The following GRM4 variants were observed in gnomAD, a reference collection of about 807,000 sequenced individuals.
The protein encoded by GRM4 is metabotropic glutamate receptor 4.
A neutral mutation model predicts 81.7 loss-of-function variants in GRM4; 28 were observed. The observed-to-expected ratio is 0.34, with a 90% confidence interval of 0.25 to 0.47. The LOEUF is 0.47. Ranked by LOEUF, GRM4 falls within the 20% of genes least tolerant of loss-of-function variation. GRM4 has a pLI of 1.00. For missense variants in GRM4, 948 were observed against 1,290.0 expected, an observed-to-expected ratio of 0.73 and a Z score of 4.06; for synonymous variants, 488 against 528.8, an observed-to-expected ratio of 0.92 and a Z score of 1.06.
At chr6:34,141,647 A>C (rs1250003107) in intron 1 of GRM4, among the ~76,000 whole-genome samples, 1 of 150,152 alleles carries the variant, frequency 6.7e-6, no homozygotes, top group Non-Finnish European at 1.5e-5. Context: ...AGAAACATGG[A>C]CAGACTGGAA....
intron 2 of GRM4, among the ~76,000 whole-genome samples, chr6:34,129,627 T>C (rs78256550): frequency 0.051 from 7,831 of 152,192 alleles, 326 homozygotes; most frequent in East Asian, 0.12. Flanking sequence ...GGCCTTCTGG[T>C]CCGCAACAGA....
chr6:34,041,116 G>T, intron 6 of GRM4, among the ~76,000 whole-genome samples: 1 of 152,302 alleles, frequency 6.6e-6, no homozygotes, highest in South Asian at 2.1e-4. Context: ...AGCCTGGCCT[G>T]GGATAATCTT....
In GRM4 at chr6:34,048,053, C is replaced by A. The variant is rs898984521; in HGVS notation, c.1169-7305G>T. Among the ~76,000 whole-genome samples the A allele has an allele frequency of 6.6e-6, 1 of 152,216 alleles. No individual in the cohort carries two copies. Among genetic ancestry groups the A allele is most frequent in the African/African-American group, 2.4e-5 (1 of 41,448 alleles). On this transcript the variant is annotated intron_variant, in intron 6 of 10. Transcript: ENST00000538487. This position sits in a 1 kb window ranked among gnomAD's most constrained non-coding sequence, Gnocchi z 4.0. ...CAGCAGAGAAGCCGTGTCTCTCAGA[C>A]TGGGAGAGCTCACTTGGGGATGGCC...
Position 34,039,182 on chromosome 6 carries a change from G to A in GRM4, c.1506+996C>T, listed in dbSNP as rs187355161. On this transcript the variant is annotated intron_variant, in intron 8 of 10. Coordinates refer to ENST00000538487, the MANE Select transcript of GRM4 (RefSeq NM_000841.4). ...TCCTGCCACACGGTGTGGCCTTTAG[G>A]AGAGTCCTTCTGCCTCCCCAGGGCT... is the stretch of plus-strand genomic sequence containing the variant. 2.2e-3 allele frequency among the ~76,000 whole-genome samples: 328 copies of A among 152,294 alleles called. 1 individual carries two copies. The highest frequency in any genetic ancestry group is 7.7e-3 in the African/African-American group (320 of 41,564).
intron 2 of GRM4, among the ~76,000 whole-genome samples, chr6:34,093,976 C>T (rs1170306524): frequency 1.3e-5 from 2 of 152,200 alleles, no homozygotes; most frequent in African/African-American, 4.8e-5. Context: ...CTGTTTGTAA[C>T]AGTAAAAGTT....
At position 34,035,912 on chromosome 6, in the gene GRM4, C is replaced by T. The variant is rs1764677956; in HGVS notation, c.2198G>A (p.Arg733Gln). ...SHSVVDFQDQ[R>Q]TLDPRFARGV... Reference sequence around the variant, plus strand: ...CCTGGCGAAGCGGGGGTCGAGTGTCCGCTGGTCCTGGAAGTCCACCACCGA... The same window carrying T: ...CCTGGCGAAGCGGGGGTCGAGTGTCTGCTGGTCCTGGAAGTCCACCACCGA... Residue 733 changes from arginine (R) to glutamine (Q), a missense_variant, in exon 9 of 11, where the codon CGG becomes CAG. Transcript: ENST00000538487. This position sits in a 1 kb window ranked among gnomAD's most constrained non-coding sequence, Gnocchi z 6.6. 6.2e-6 allele frequency: 10 copies of T among 1,608,508 alleles called. No homozygotes were observed. The highest frequency in any genetic ancestry group is 1.1e-5 in the South Asian group (1 of 90,846).
intron 2 of GRM4, chr6:34,099,942 C>T: frequency 2.0e-6 from 1 of 499,230 alleles, no homozygotes; most frequent in Non-Finnish European, 2.6e-6. Context: ...GAGCACCAAC[C>T]CCTTCGCCAC....
chr6:34,040,056 C>T (rs539305530), intron 8 of GRM4, 122 bp downstream of exon 8: 2 of 960,180 alleles, frequency 2.1e-6, no homozygotes, highest in Admixed American at 4.1e-5. Context: ...AAGGAAGCCC[C>T]AGCCTGGCAG....
At chr6:34,108,762 G>A (rs764548974) in intron 2 of GRM4, among the ~76,000 whole-genome samples, 2 of 152,080 alleles carry the variant, frequency 1.3e-5, no homozygotes, top group Non-Finnish European at 2.9e-5. Flanking sequence ...GGCAGCCCCC[G>A]CCCTGTATTG....
rs1005632956 is a variant in GRM4, at chr6:34,021,602, T to G, written c.*1219A>C. On this transcript the variant is annotated 3_prime_UTR_variant, in exon 11 of 11. Transcript: ENST00000538487. The surrounding 1 kb of genome is among the most constrained non-coding windows in gnomAD (Gnocchi z 5.3). Reference sequence around the variant, plus strand: ...CAGGGGACAGAGCATACCCCCTAATTAGGGGACTACTAGGTGCTGATTCCT... The same window carrying G: ...CAGGGGACAGAGCATACCCCCTAATGAGGGGACTACTAGGTGCTGATTCCT... The G allele has an allele frequency of 6.6e-6, 1 of 152,150 alleles. No homozygotes were observed. Among genetic ancestry groups the G allele is most frequent in the East Asian group, 1.9e-4 (1 of 5,188 alleles). The allele number at this position is 152,150 out of a possible 1,614,324, so 9.4% of individuals were successfully genotyped here.
At chr6:34,102,252 G>T in intron 2 of GRM4, 1 of 1,011,168 alleles carries the variant, frequency 9.9e-7, no homozygotes, top group Non-Finnish European at 1.5e-6. Flanking sequence ...CTAATAAAAT[G>T]CCCTTTACAG....
intron 2 of GRM4, among the ~76,000 whole-genome samples, chr6:34,107,752 C>T (rs902204): frequency 0.02 from 3,020 of 152,298 alleles, 50 homozygotes; most frequent in Middle Eastern, 0.065. Flanking sequence ...CACAGCTTGA[C>T]GGGCAGGATG....
In GRM4 at chr6:34,138,057, A is replaced by T. The variant is rs188994670; in HGVS notation, c.-363-4198T>A. On this transcript the variant is annotated intron_variant, in intron 1 of 10. Transcript: ENST00000538487. ...TTTACCAAACCCCCAATTATTTTTC[A>T]TTGAGTTTCTTTTTATTCTTCCAAA... Among the ~76,000 whole-genome samples, 263 of 152,288 alleles carry T rather than the reference A, an allele frequency of 1.7e-3. 1 individual carries two copies. The highest frequency in any genetic ancestry group is 6.6e-3 in the South Asian group (32 of 4,814).
chr6:34,035,786 C>T lies in GRM4; in HGVS notation c.2324G>A (p.Arg775His), dbSNP rs775467451. 11 of 1,613,566 alleles carry T rather than the reference C, an allele frequency of 6.8e-6. No homozygotes were observed. The African/African-American group carries it at 8.0e-5, about 12-fold the overall frequency. The change falls in exon 9 of 11, where the codon CGC becomes CAC. Residue 775 changes from arginine to histidine, a missense_variant. By Grantham distance (29) the Arg-to-His change is conservative. Coordinates refer to ENST00000538487, the MANE Select transcript of GRM4 (RefSeq NM_000841.4). The surrounding 1 kb of genome is among the most constrained non-coding windows in gnomAD (Gnocchi z 6.6). ...VTCTVYAIKTRGVPETFNEAK... is the reference protein window; with the variant it reads ...VTCTVYAIKTHGVPETFNEAK... Reference sequence around the variant, plus strand: ...CTCATTGAAGGTCTCGGGCACGCCGCGTGTCTTGATGGCATACACGGTGCA... The same window carrying T: ...CTCATTGAAGGTCTCGGGCACGCCGTGTGTCTTGATGGCATACACGGTGCA...
intron 2 of GRM4, among the ~76,000 whole-genome samples, chr6:34,112,497 G>T (rs1769426768): frequency 6.6e-6 from 1 of 152,156 alleles, no homozygotes; most frequent in Non-Finnish European, 1.5e-5. Context: ...GGTCCCTGTT[G>T]TTGGGTCTTA....
rs2228623 is a variant in GRM4 at position 34,035,908 on chromosome 6, T to A, written c.2202A>T (p.Thr734=). Residue 734 remains threonine (T), a synonymous_variant, in exon 9 of 11, where the codon ACA becomes ACT. Transcript: ENST00000538487. This position sits in a 1 kb window ranked among gnomAD's most constrained non-coding sequence, Gnocchi z 6.6. Reference sequence around the variant, plus strand: ...CACCCCTGGCGAAGCGGGGGTCGAGTGTCCGCTGGTCCTGGAAGTCCACCA... The same window carrying A: ...CACCCCTGGCGAAGCGGGGGTCGAGAGTCCGCTGGTCCTGGAAGTCCACCA... ...HSVVDFQDQR[T]LDPRFARGVL... 2 of 1,606,756 alleles carry A rather than the reference T, an allele frequency of 1.2e-6. No homozygotes were observed. The highest frequency in any genetic ancestry group is 2.7e-5 in the African/African-American group (2 of 74,752).
intron 2 of GRM4, among the ~76,000 whole-genome samples, chr6:34,095,026 T>TGG (rs1488505560): frequency 2.0e-5 from 3 of 152,098 alleles, no homozygotes; most frequent in Non-Finnish European, 2.9e-5. Context: ...AAATCCAGAG[T>TGG]GAGGCCCTGG....
chr6:34,123,797 G>A (rs1480000934), intron 2 of GRM4, among the ~76,000 whole-genome samples: 2 of 152,356 alleles, frequency 1.3e-5, no homozygotes, highest in Middle Eastern at 3.4e-3. Flanking sequence ...AGGCCAGCTG[G>A]CCCCAGGGTC....
Position 34,048,846 on chromosome 6 carries a change from A to G in GRM4, c.1168+7698T>C, listed in dbSNP as rs561145717. 2.6e-5 allele frequency among the ~76,000 whole-genome samples: 4 copies of G among 152,070 alleles called. No individual in the cohort carries two copies. In the South Asian group the frequency reaches 8.3e-4, roughly 32 times the overall value. On this transcript the variant is annotated intron_variant, in intron 6 of 10. Coordinates refer to ENST00000538487, the MANE Select transcript of GRM4 (RefSeq NM_000841.4). This position sits in a 1 kb window ranked among gnomAD's most constrained non-coding sequence, Gnocchi z 4.0. Reference sequence around the variant, plus strand: ...TGCTTCCTCTTCGCCTTCCACCATGATTGTAAGTTTCCTGAGGCCTCCCAG... The same window carrying G: ...TGCTTCCTCTTCGCCTTCCACCATGGTTGTAAGTTTCCTGAGGCCTCCCAG...
Sources: gnomAD v4.1 joint callset for allele counts (sites outside exome capture counted in the v4.1 genomes callset) on GRCh38, gnomAD v4.1.1 for gene constraint, Gnocchi (gnomAD v3.1) non-coding constraint, MANE v1.5 for transcripts, NCBI Gene and HGNC (gene_info 2026-07-23, HGNC 2026-07-21) for gene names.